AGPAT2: variants seen among roughly 807,000 people sequenced by gnomAD.
AGPAT2 encodes 1-acylglycerol-3-phosphate O-acyltransferase 2.
AGPAT2 carries 18 observed loss-of-function variants against 26.1 expected under a neutral mutation model. That is an observed-to-expected ratio of 0.69 (90% CI 0.48 to 1.02). The LOEUF (loss-of-function observed/expected upper bound fraction) is 1.02, where lower values mean the gene tolerates loss of function less well. AGPAT2 is among the 50% of genes least tolerant of loss of function. The pLI is 0.00. For missense variants in AGPAT2, 415 were observed against 394.9 expected, an observed-to-expected ratio of 1.05 and a Z score of -0.43; for synonymous variants, 200 against 174.2, an observed-to-expected ratio of 1.15 and a Z score of -1.16.
At chr9:136,676,899 C>T in intron 3 of AGPAT2, 62 bp downstream of exon 3, 1 of 1,574,134 alleles carries the variant, frequency 6.4e-7, no homozygotes, top group Non-Finnish European at 8.7e-7. Context: ...CACAAGCTGG[C>T]CCCTGCCTGG....
At position 136,687,417 on chromosome 9, in the gene AGPAT2, C is replaced by A; in HGVS notation, c.-60G>T. The stretch of plus-strand genomic sequence containing the variant: ...GCTCCCGCTCCCGCTCCCGCTTCTC[C>A]CCCGCGCGCTCAGGCCCCTTATTGC... On this transcript the variant is annotated 5_prime_UTR_variant, in exon 1 of 6. Transcript: ENST00000371696. The A allele has an allele frequency of 7.4e-7, 1 of 1,354,922 alleles. No individual in the cohort carries two copies. Among genetic ancestry groups the A allele is most frequent in the Non-Finnish European group, 9.5e-7 (1 of 1,055,612 alleles). 83.9% of individuals were successfully genotyped at this position (1,354,922 alleles called of 1,614,324 possible). A position where few individuals can be genotyped will look rare whatever the true frequency, so the allele number is the denominator to read the frequency against.
intron 3 of AGPAT2, 38 bp from the exon 4 acceptor site, chr9:136,676,718 A>G: frequency 6.3e-7 from 1 of 1,592,932 alleles, no homozygotes; most frequent in Non-Finnish European, 8.6e-7. Flanking sequence ...CCTCACGCCC[A>G]GGCCACCCCA....
chr9:136,677,681 C>A, intron 1 of AGPAT2, 125 bp from the exon 2 acceptor site: 2 of 1,201,552 alleles, frequency 1.7e-6, no homozygotes, highest in East Asian at 2.5e-5. Context: ...GGCAGGAGAC[C>A]GGGAGACACA....
intron 1 of AGPAT2, among the ~76,000 whole-genome samples, chr9:136,685,493 G>C (rs1309895637): frequency 6.6e-6 from 1 of 152,224 alleles, no homozygotes; most frequent in East Asian, 1.9e-4. Context: ...TCTCACACGA[G>C]GAGGCCGCCG....
intron 1 of AGPAT2, among the ~76,000 whole-genome samples, chr9:136,679,774 A>G (rs1018833905): frequency 6.6e-6 from 1 of 152,230 alleles, no homozygotes; most frequent in Non-Finnish European, 1.5e-5. Context: ...AGGAGGTGCC[A>G]GCCAGGGTGT....
Position 136,687,277 on chromosome 9 carries a change from G to A in AGPAT2, c.81C>T (p.Tyr27=), listed in dbSNP as rs753538170. ...LVQLSRAAEF[Y]AKVALYCALC... ...GCGCGCAGTACAGGGCGACCTTGGC[G>A]TAGAACTCGGCCGCGCGGCTCAGCT... The change falls in exon 1 of 6, where the codon TAC becomes TAT. Residue 27 remains tyrosine (Y), a synonymous_variant. Transcript: ENST00000371696. 83 of 1,587,070 alleles carry A rather than the reference G, an allele frequency of 5.2e-5. No individual in the cohort carries two copies. Among genetic ancestry groups the A allele is most frequent in the Non-Finnish European group, 6.0e-5 (70 of 1,171,026 alleles).
rs759177059 is a variant in AGPAT2, at chr9:136,687,363, G to C, written c.-6C>G. The C allele has an allele frequency of 2.0e-6, 3 of 1,471,280 alleles. No homozygotes were observed. The highest frequency in any genetic ancestry group is 2.7e-6 in the Non-Finnish European group (3 of 1,118,770). The allele number at this position is 1,471,280 out of a possible 1,614,324, so 91.1% of individuals were successfully genotyped here. A position where few individuals can be genotyped will look rare whatever the true frequency, so the allele number is the denominator to read the frequency against. On this transcript the variant is annotated 5_prime_UTR_variant, in exon 1 of 6. Coordinates refer to ENST00000371696, the MANE Select transcript of AGPAT2 (RefSeq NM_006412.4). ...AGACACGGCCACAGCTCCATGGCCC[G>C]GCCCGGCGCCCGACGGCGCCGCCAG...
chr9:136,674,453 A>G (rs968957534), intron 5 of AGPAT2, among the ~76,000 whole-genome samples: 1 of 152,236 alleles, frequency 6.6e-6, no homozygotes, highest in Non-Finnish European at 1.5e-5. Flanking sequence ...GCCGCCCTCC[A>G]GGCCCCCAAG....
intron 1 of AGPAT2, among the ~76,000 whole-genome samples, chr9:136,686,955 G>T (rs1039351199): frequency 1.3e-5 from 2 of 152,126 alleles, no homozygotes; most frequent in African/African-American, 4.8e-5. Context: ...GGGGGGTGGG[G>T]TGCTGGGCAC....
intron 1 of AGPAT2, among the ~76,000 whole-genome samples, chr9:136,685,931 G>A (rs1846215385): frequency 6.6e-6 from 1 of 152,196 alleles, no homozygotes; most frequent in Admixed American, 6.5e-5. Context: ...TGCTCCACTG[G>A]GGACGTCAGC....
chr9:136,675,546 G>T (rs996099279), intron 4 of AGPAT2, among the ~76,000 whole-genome samples: 2 of 149,000 alleles, frequency 1.3e-5, no homozygotes, highest in African/African-American at 4.9e-5. Context: ...GTAGGCTGGG[G>T]ACTGGCAGCA....
At chr9:136,682,993 G>A (rs544584112) in intron 1 of AGPAT2, among the ~76,000 whole-genome samples, 19 of 148,330 alleles carry the variant, frequency 1.3e-4, no homozygotes, top group African/African-American at 4.2e-4. Context: ...TCTATGAGGC[G>A]GAGACACCCG....
At chr9:136,677,621 G>A in intron 1 of AGPAT2, 65 bp from the exon 2 acceptor site, 1 of 1,601,728 alleles carries the variant, frequency 6.2e-7, no homozygotes, top group Non-Finnish European at 8.5e-7. Flanking sequence ...GGGCGCGAAG[G>A]CCTGGGGGTG....
chr9:136,685,983 G>A (rs933515859), intron 1 of AGPAT2, among the ~76,000 whole-genome samples: 4 of 152,190 alleles, frequency 2.6e-5, no homozygotes, highest in African/African-American at 9.6e-5. Context: ...TGCGCTCCCC[G>A]GGACCCCGGC....
At chr9:136,684,299 C>T (rs531519193) in intron 1 of AGPAT2, among the ~76,000 whole-genome samples, 83 of 152,338 alleles carry the variant, frequency 5.4e-4, no homozygotes, top group Non-Finnish European at 1.1e-3. Flanking sequence ...CCGCTCTGGG[C>T]TTTGCTTTCC....
intron 1 of AGPAT2, among the ~76,000 whole-genome samples, chr9:136,678,169 AGGGGCTC>A (rs1284988585): frequency 6.6e-6 from 1 of 152,082 alleles, no homozygotes; most frequent in African/African-American, 2.4e-5. Flanking sequence ...AGAGGCGGCG[AGGGGCTC>A]GGGGCTTGTC....
intron 5 of AGPAT2, among the ~76,000 whole-genome samples, chr9:136,674,339 G>A (rs1044405924): frequency 2.6e-5 from 4 of 152,158 alleles, no homozygotes; most frequent in Non-Finnish European, 5.9e-5. Flanking sequence ...TCTGGGAACT[G>A]GCTGGAAGGG....
intron 1 of AGPAT2, among the ~76,000 whole-genome samples, chr9:136,685,630 G>A (rs7037712): frequency 0.16 from 23,647 of 152,200 alleles, 2,625 homozygotes; most frequent in African/African-American, 0.31. Context: ...CCCAGGACAC[G>A]CCCAGCACAG....
At chr9:136,681,744 T>C (rs1207068261) in intron 1 of AGPAT2, among the ~76,000 whole-genome samples, 1 of 152,048 alleles carries the variant, frequency 6.6e-6, no homozygotes, top group African/African-American at 2.4e-5. Flanking sequence ...GGAGGTTGCG[T>C]TGAGCCGAGA....
Sources: allele counts gnomAD v4.1 joint callset (sites outside exome capture counted in the v4.1 genomes callset), GRCh38; gene constraint gnomAD v4.1.1; transcripts MANE v1.5; gene names NCBI Gene and HGNC (gene_info 2026-07-23, HGNC 2026-07-21).